The following LINGO2 variants were observed in gnomAD, a reference collection of about 807,000 sequenced individuals.
The protein encoded by LINGO2 is leucine rich repeat and Ig domain containing 2.
A neutral mutation model predicts 30.6 loss-of-function variants in LINGO2; 14 were observed. The ratio of observed to expected loss-of-function variants is 0.46; its 90% CI spans 0.30 to 0.72. The LOEUF is 0.72. Among genes scored for constraint, LINGO2 ranks in the 30% least tolerant of loss-of-function variants. The probability of loss-of-function intolerance (pLI) is 0.07; values close to 1 mark genes in which losing one functional copy is unlikely to be tolerated. For missense variants in LINGO2, 729 were observed against 751.7 expected (o/e 0.97, Z 0.35); for synonymous variants, 317 against 288.5 (o/e 1.10, Z -1.00).
rs1164493706 is a variant in LINGO2, at chr9:28,308,269, T to G, written c.-245-12903A>C. On this transcript the variant is annotated intron_variant, in intron 3 of 5. Coordinates refer to ENST00000379992, the Ensembl canonical transcript of LINGO2. ...TGGAACAGAACAGAGCCCTCAGAAA[T>G]AATGCCGCATATCCACAACTATCTG... 8.8e-4 allele frequency among the ~76,000 whole-genome samples: 114 copies of G among 129,410 alleles called. 9 individuals are homozygous for G. In the East Asian group the frequency reaches 0.025, roughly 28 times the overall value. The allele number at this position is 129,410 out of a possible 152,430, so 84.9% of individuals were successfully genotyped here.
At chr9:28,826,851 A>C in the LINGO2 span, among the ~76,000 whole-genome samples, 1 of 152,188 alleles carries the variant, frequency 6.6e-6, no homozygotes, top group Non-Finnish European at 1.5e-5. Context: ...ACAATGGGAC[A>C]ATCATGGGAG....
chr9:28,922,914 C>G, the LINGO2 span, among the ~76,000 whole-genome samples: 1 of 151,984 alleles, frequency 6.6e-6, no homozygotes, highest in Admixed American at 6.6e-5. Context: ...CAGGTGGACC[C>G]TAAATGTAAT....
chr9:28,963,097 G>A, the LINGO2 span, among the ~76,000 whole-genome samples: 1 of 151,912 alleles, frequency 6.6e-6, no homozygotes, highest in Non-Finnish European at 1.5e-5. Flanking sequence ...AAGTGAAACT[G>A]AAATTTCCAT....
At chr9:28,905,413 T>C in the LINGO2 span, among the ~76,000 whole-genome samples, 1 of 151,804 alleles carries the variant, frequency 6.6e-6, no homozygotes, top group Non-Finnish European at 1.5e-5. Context: ...GGGGTTCACA[T>C]TCAAAATATA....
At chr9:28,417,084 G>A (rs944881595) in intron 2 of LINGO2, among the ~76,000 whole-genome samples, 1 of 139,032 alleles carries the variant, frequency 7.2e-6, no homozygotes, top group African/African-American at 2.6e-5. Context: ...AATATAGTAA[G>A]GAGTTCAGAT....
Position 28,498,632 on chromosome 9 carries a change from C to T in LINGO2, c.-364-22607G>A, listed in dbSNP as rs150949980. On this transcript the variant is annotated intron_variant, in intron 1 of 5. Coordinates refer to ENST00000379992, the Ensembl canonical transcript of LINGO2. ...GGTAAGGCTATGCCTCGTCCTGCTT[C>T]CGCTCACACTCGGTGGGCTGCACCC... Among the ~76,000 whole-genome samples the T allele has an allele frequency of 2.8e-3, 427 of 152,236 alleles. 7 individuals carry two copies. Among genetic ancestry groups the T allele is most frequent in the East Asian group, 0.028 (144 of 5,146 alleles).
intron 5 of LINGO2, among the ~76,000 whole-genome samples, chr9:27,982,400 C>T (rs1335170963): frequency 2.0e-5 from 3 of 151,838 alleles, no homozygotes; most frequent in East Asian, 3.9e-4. Flanking sequence ...AGTGTCAACA[C>T]ATATAGACAT....
intron 3 of LINGO2, among the ~76,000 whole-genome samples, chr9:28,362,089 G>C (rs1342645670): frequency 6.6e-6 from 1 of 152,208 alleles, no homozygotes; most frequent in Middle Eastern, 3.2e-3. Context: ...CCTTGATCTA[G>C]AGGATCAGAA....
intron 3 of LINGO2, among the ~76,000 whole-genome samples, chr9:28,322,007 T>C (rs894467406): frequency 6.6e-6 from 1 of 152,224 alleles, no homozygotes; most frequent in African/African-American, 2.4e-5. Context: ...ATCACATCAT[T>C]CCAAAAGCTT....
the LINGO2 span, among the ~76,000 whole-genome samples, chr9:29,113,813 C>G: frequency 6.6e-6 from 1 of 152,082 alleles, no homozygotes; most frequent in Non-Finnish European, 1.5e-5. Flanking sequence ...GTGGTCCAGT[C>G]AAAGCAAAAG....
At chr9:28,166,654 G>A (rs1001081957) in intron 4 of LINGO2, among the ~76,000 whole-genome samples, 2 of 151,914 alleles carry the variant, frequency 1.3e-5, no homozygotes, top group African/African-American at 4.8e-5. Context: ...TGTAGAACTT[G>A]TACAAATGTC....
chr9:28,399,855 G>C lies in LINGO2; in HGVS notation c.-278-26987C>G, dbSNP rs34394137. 1.2e-3 allele frequency among the ~76,000 whole-genome samples: 175 copies of C among 152,150 alleles called. No homozygotes were observed. In the Middle Eastern group the frequency reaches 0.02, roughly 18 times the overall value. ...TTCTACATCCGACATATTTGCAGTG[G>C]GCAGATTTTTAAAAGTAATACCTAT... On this transcript the variant is annotated intron_variant, in intron 2 of 5. Coordinates refer to ENST00000379992, the Ensembl canonical transcript of LINGO2.
At chr9:28,357,325 C>A (rs1024643379) in intron 3 of LINGO2, among the ~76,000 whole-genome samples, 4 of 146,178 alleles carry the variant, frequency 2.7e-5, no homozygotes, top group African/African-American at 5.0e-5. Context: ...GCCCACCCCC[C>A]CCAAAAAAGA....
intron 1 of LINGO2, among the ~76,000 whole-genome samples, chr9:28,491,146 A>G (rs1217642861): frequency 6.6e-6 from 1 of 152,166 alleles, no homozygotes; most frequent in Non-Finnish European, 1.5e-5. Flanking sequence ...GCACAAATGT[A>G]TTTTCTTCAA....
chr9:27,949,542 C>T, exon 6 of LINGO2: 1 of 1,614,024 alleles, frequency 6.2e-7, no homozygotes, highest in Non-Finnish European at 8.5e-7. Context: ...AGGTTGCTGG[C>T]CACCAAACTG....
chr9:28,896,929 G>A, the LINGO2 span, among the ~76,000 whole-genome samples: 8 of 152,008 alleles, frequency 5.3e-5, no homozygotes, highest in African/African-American at 7.2e-5. Context: ...GGATTTCAGG[G>A]AGCAAAGATG....
At chr9:28,876,970 C>G in the LINGO2 span, among the ~76,000 whole-genome samples, 32 of 152,162 alleles carry the variant, frequency 2.1e-4, no homozygotes, top group Middle Eastern at 3.4e-3. Context: ...GTATCTCATT[C>G]TGGTTTTGAT....
At chr9:28,787,590 T>C in the LINGO2 span, among the ~76,000 whole-genome samples, 860 of 152,228 alleles carry the variant, frequency 5.6e-3, 8 homozygotes, top group African/African-American at 0.019. Flanking sequence ...TTTCCAACTA[T>C]GAGAAGGGAA....
intron 4 of LINGO2, among the ~76,000 whole-genome samples, chr9:28,220,746 G>A (rs1820928792): frequency 6.6e-6 from 1 of 152,012 alleles, no homozygotes; most frequent in Non-Finnish European, 1.5e-5. Flanking sequence ...TATCAGAAAT[G>A]CCTACCATCG....
Sources: gnomAD v4.1 joint callset for allele counts (sites outside exome capture counted in the v4.1 genomes callset) on GRCh38, gnomAD v4.1.1 for gene constraint, MANE v1.5 for transcripts, NCBI Gene and HGNC (gene_info 2026-07-23, HGNC 2026-07-21) for gene names.